Variants in UNC13C observed in about 807,000 individuals in gnomAD.
UNC13C encodes protein unc-13 homolog C.
In UNC13C, 174 loss-of-function variants were observed where a neutral mutation model predicts 245.4. That is an observed-to-expected ratio of 0.71 (90% CI 0.63 to 0.80). The LOEUF is 0.80. Ranked by LOEUF, UNC13C falls within the 30% of genes least tolerant of loss-of-function variation. The pLI is 0.00. For missense variants in UNC13C, 2,829 were observed against 2,602.9 expected (o/e 1.09, Z -1.89); for synonymous variants, 992 against 895.1 (o/e 1.11, Z -1.93).
the UNC13C span, among the ~76,000 whole-genome samples, chr15:53,916,900 C>T: frequency 2.2e-4 from 33 of 152,130 alleles, no homozygotes; most frequent in African/African-American, 7.5e-4. Flanking sequence ...TCTCAGCAAG[C>T]ATCTTGGGTT....
At chr15:54,364,595 A>T (rs542592301) in intron 17 of UNC13C, among the ~76,000 whole-genome samples, 2 of 152,188 alleles carry the variant, frequency 1.3e-5, no homozygotes, top group African/African-American at 2.4e-5. Flanking sequence ...ACTTTTAGTG[A>T]AGTAGAGTAA....
chr15:53,931,143 ATTTATTTATTTATT>A, the UNC13C span, among the ~76,000 whole-genome samples: 3 of 151,966 alleles, frequency 2.0e-5, no homozygotes, highest in South Asian at 2.1e-4. Flanking sequence ...TATTTTATTG[ATTTATTTATTTATT>A]TTTATTTATT....
At chr15:54,102,394 G>A (rs1290685623) in intron 2 of UNC13C, among the ~76,000 whole-genome samples, 1 of 152,166 alleles carries the variant, frequency 6.6e-6, no homozygotes, top group African/African-American at 2.4e-5. Flanking sequence ...CTCCTGTCCT[G>A]CCTGAAGGAT....
intron 11 of UNC13C, among the ~76,000 whole-genome samples, chr15:54,295,735 ATGC>A (rs751205367): frequency 6.6e-6 from 1 of 152,066 alleles, no homozygotes. Context: ...GAATTTGAAT[ATGC>A]TGCTATTAGT....
intron 30 of UNC13C, among the ~76,000 whole-genome samples, chr15:54,586,773 T>C (rs1396167043): frequency 6.6e-6 from 1 of 152,146 alleles, no homozygotes; most frequent in Non-Finnish European, 1.5e-5. Context: ...AAATAAACAG[T>C]GATGAGTGAA....
At chr15:54,122,000 T>A (rs1372144649) in intron 2 of UNC13C, among the ~76,000 whole-genome samples, 1 of 152,100 alleles carries the variant, frequency 6.6e-6, no homozygotes, top group African/African-American at 2.4e-5. Context: ...TGGAGTGAAC[T>A]TAACAAGTAT....
intron 1 of UNC13C, among the ~76,000 whole-genome samples, chr15:53,999,426 A>G (rs1894784836): frequency 6.6e-6 from 1 of 151,918 alleles, no homozygotes. Flanking sequence ...TTTGTACAAT[A>G]TTCTCATTGT....
chr15:54,309,471 G>C lies in UNC13C; in HGVS notation c.4268+9098G>C, dbSNP rs111422554. Among the ~76,000 whole-genome samples, 287 of 151,954 alleles carry C rather than the reference G, an allele frequency of 1.9e-3. 1 individual carries two copies. Among genetic ancestry groups the C allele is most frequent in the African/African-American group, 6.1e-3 (255 of 41,494 alleles). On this transcript the variant is annotated intron_variant, in intron 13 of 32. Transcript: ENST00000260323. Reference sequence around the variant, plus strand: ...TTGTAGGGTGGCTCCTCACTTTGTTGATTGTTTCCTTTACTGTGAAGAAGC... The same window carrying C: ...TTGTAGGGTGGCTCCTCACTTTGTTCATTGTTTCCTTTACTGTGAAGAAGC...
chr15:53,998,232 A>C (rs932736488), intron 1 of UNC13C, among the ~76,000 whole-genome samples: 1 of 152,200 alleles, frequency 6.6e-6, no homozygotes, highest in Non-Finnish European at 1.5e-5. Flanking sequence ...TATTAAATCT[A>C]TAGATCACTT....
intron 15 of UNC13C, among the ~76,000 whole-genome samples, chr15:54,332,563 G>C (rs2038467315): frequency 6.6e-6 from 1 of 151,852 alleles, no homozygotes; most frequent in Non-Finnish European, 1.5e-5. Context: ...AGTACCATTT[G>C]TTCCTGCAAA....
chr15:53,912,450 T>C, the UNC13C span: 1 of 152,178 alleles, frequency 6.6e-6, no homozygotes, highest in African/African-American at 2.4e-5. Flanking sequence ...GTCTAGTTTA[T>C]GGGAACCTGG....
At position 53,978,849 on chromosome 15, in the gene UNC13C, GA is replaced by G. The variant is rs1027753482; in HGVS notation, c.-331del. On this transcript the variant is annotated 5_prime_UTR_variant, in exon 1 of 33. Coordinates refer to ENST00000260323, the MANE Select transcript of UNC13C (RefSeq NM_001080534.3). ...CAATTGCAAGTGGTGTTCCTAAAAG[GA>G]AAACACATACACTCCAAAAGGAGGG... 1.3e-5 allele frequency among the ~76,000 whole-genome samples: 2 copies of G among 152,072 alleles called. No homozygotes were observed. The highest frequency in any genetic ancestry group is 2.9e-5 in the Non-Finnish European group (2 of 68,002).
intron 5 of UNC13C, 134 bp from the exon 6 acceptor site, chr15:54,236,296 G>T: frequency 1.4e-6 from 1 of 692,762 alleles, no homozygotes; most frequent in South Asian, 2.1e-5. Context: ...AGTACATTTA[G>T]TTCAAATTTC....
At chr15:53,873,394 G>A in the UNC13C span, among the ~76,000 whole-genome samples, 2 of 152,024 alleles carry the variant, frequency 1.3e-5, no homozygotes, top group African/African-American at 2.4e-5. Context: ...CTTGTTGCTC[G>A]CAAGATCGCT....
At chr15:54,589,353 C>T (rs1191940498) in intron 30 of UNC13C, among the ~76,000 whole-genome samples, 1 of 116,394 alleles carries the variant, frequency 8.6e-6, no homozygotes, top group African/African-American at 3.3e-5. Flanking sequence ...GGCTGGAGTG[C>T]AGTGGCACAA....
At chr15:54,087,837 C>A (rs1205568203) in intron 2 of UNC13C, among the ~76,000 whole-genome samples, 3 of 152,176 alleles carry the variant, frequency 2.0e-5, no homozygotes, top group Non-Finnish European at 4.4e-5. Flanking sequence ...GTGCCAGAGA[C>A]TTTCCTGATT....
At chr15:54,188,452 A>G (rs568666411) in intron 4 of UNC13C, among the ~76,000 whole-genome samples, 1 of 152,238 alleles carries the variant, frequency 6.6e-6, no homozygotes, top group Admixed American at 6.5e-5. Context: ...ATTACATACA[A>G]AGATTTTATG....
intron 13 of UNC13C, among the ~76,000 whole-genome samples, chr15:54,305,701 T>G (rs2140954503): frequency 6.6e-6 from 1 of 152,124 alleles, no homozygotes; most frequent in African/African-American, 2.4e-5. Flanking sequence ...TCAGAAGTAC[T>G]TCCTCTTAAT....
At chr15:54,589,289 C>CTTCTTTTTTTTTTTTTTT (rs1898651054) in intron 30 of UNC13C, among the ~76,000 whole-genome samples, 1 of 53,486 alleles carries the variant, frequency 1.9e-5, no homozygotes, top group African/African-American at 6.8e-5. Flanking sequence ...TCTTCTTCTT[C>CTTCTTTTTTTTTTTTTTT]TTTTTTTTTT....
Sources: gnomAD v4.1 joint callset for allele counts (sites outside exome capture counted in the v4.1 genomes callset) on GRCh38, gnomAD v4.1.1 for gene constraint, MANE v1.5 for transcripts, NCBI Gene and HGNC (gene_info 2026-07-23, HGNC 2026-07-21) for gene names.